RAB8A: variants seen among roughly 807,000 people sequenced by gnomAD.
RAB8A encodes ras-related protein Rab-8A.
A neutral mutation model predicts 29.2 loss-of-function variants in RAB8A; 5 were observed. That is an observed-to-expected ratio of 0.17 (90% CI 0.09 to 0.36). The LOEUF is 0.36. Ranked by LOEUF, RAB8A falls within the 10% of genes least tolerant of loss-of-function variation. RAB8A has a pLI of 1.00. For missense variants in RAB8A, 171 were observed against 272.2 expected, an observed-to-expected ratio of 0.63 and a Z score of 2.62; for synonymous variants, 108 against 99.9, an observed-to-expected ratio of 1.08 and a Z score of -0.49.
intron 7 of RAB8A, among the ~76,000 whole-genome samples, chr19:16,130,001 T>A (rs1400642588): frequency 6.6e-6 from 1 of 152,154 alleles, no homozygotes; most frequent in African/African-American, 2.4e-5. Flanking sequence ...TTGACAAGCA[T>A]GGCAGATCAA....
At chr19:16,129,209 ACTTGGCCTCT>A (rs2090914888) in intron 6 of RAB8A, among the ~76,000 whole-genome samples, 1 of 152,230 alleles carries the variant, frequency 6.6e-6, no homozygotes, top group Non-Finnish European at 1.5e-5. Context: ...TGGACAAGTC[ACTTGGCCTCT>A]CTGAGCCTCA....
Position 16,112,002 on chromosome 19 carries a change from A to C in RAB8A, c.101A>C (p.Asn34Thr). The C allele has an allele frequency of 6.2e-7, 1 of 1,613,612 alleles. No homozygotes were observed. Reference protein sequence around the residue: ...VLFRFSEDAFNSTFISTIGID... With the variant: ...VLFRFSEDAFTSTFISTIGID... ...TTCCGCTTCTCCGAGGACGCCTTCAACTCCACTTTTATCTCCACCATAGGT... is the reference window on the plus strand; with the variant it reads ...TTCCGCTTCTCCGAGGACGCCTTCACCTCCACTTTTATCTCCACCATAGGT... The change falls in exon 1 of 8, where the codon AAC (asparagine) becomes ACC (threonine). Residue 34 changes from asparagine (N) to threonine (T), a missense_variant. Transcript: ENST00000300935.
Position 16,128,192 on chromosome 19 carries a change from C to T in RAB8A, c.480+101C>T, listed in dbSNP as rs2090910281. ...CTCCGAGGAGGTCCTGCCAGACGGACCAGCCTCGGGCTCAGGGCTGCCAGT... is the reference window on the plus strand; with the variant it reads ...CTCCGAGGAGGTCCTGCCAGACGGATCAGCCTCGGGCTCAGGGCTGCCAGT... On this transcript the variant is annotated intron_variant, in intron 6 of 7. Transcript: ENST00000300935. The T allele has an allele frequency of 4.7e-6, 6 of 1,288,048 alleles. No homozygotes were observed. In the Admixed American group the frequency reaches 1.2e-4, roughly 25 times the overall value. The allele number at this position is 1,288,048 out of a possible 1,614,324, so 79.8% of individuals were successfully genotyped here.
intron 6 of RAB8A, 117 bp from the exon 7 acceptor site, chr19:16,129,435 CAA>C: frequency 1.0e-6 from 1 of 964,150 alleles, no homozygotes; most frequent in Non-Finnish European, 1.6e-6. Context: ...AGGCGGGCAT[CAA>C]AGGGCCAAAT....
intron 1 of RAB8A, among the ~76,000 whole-genome samples, chr19:16,115,168 T>G (rs896153007): frequency 6.6e-6 from 1 of 151,078 alleles, no homozygotes; most frequent in African/African-American, 2.5e-5. Flanking sequence ...CTTGCCTGTA[T>G]TCCCAGCTAC....
chr19:16,127,165 T>C lies in RAB8A; in HGVS notation c.325-272T>C, dbSNP rs1421264142. ...CAGCATCCCAGGTGCGGGGGCTTGATTGATACAGCCATAGAAGCTGCCAGA... is the reference window on the plus strand; with the variant it reads ...CAGCATCCCAGGTGCGGGGGCTTGACTGATACAGCCATAGAAGCTGCCAGA... On this transcript the variant is annotated intron_variant, in intron 4 of 7. Coordinates refer to ENST00000300935, the MANE Select transcript of RAB8A (RefSeq NM_005370.5). The surrounding 1 kb of genome is among the most constrained non-coding windows in gnomAD (Gnocchi z 4.8). 6.6e-6 allele frequency among the ~76,000 whole-genome samples: 1 copy of C among 152,192 alleles called. No individual in the cohort carries two copies. Among genetic ancestry groups the C allele is most frequent in the Non-Finnish European group, 1.5e-5 (1 of 68,032 alleles).
intron 7 of RAB8A, 91 bp downstream of exon 7, chr19:16,129,695 G>C: frequency 7.9e-7 from 1 of 1,263,288 alleles, no homozygotes; most frequent in Non-Finnish European, 1.2e-6. Context: ...CCTAGATCCT[G>C]CTTTTTAGGG....
At chr19:16,118,329 G>A (rs369293048) in intron 2 of RAB8A, 43 bp downstream of exon 2, 11 of 1,572,520 alleles carry the variant, frequency 7.0e-6, no homozygotes, top group Non-Finnish European at 9.6e-6. Flanking sequence ...CCTGGCAATG[G>A]CTTCAAGCCA....
intron 2 of RAB8A, among the ~76,000 whole-genome samples, chr19:16,118,802 G>C (rs1304853334): frequency 6.6e-6 from 1 of 152,196 alleles, no homozygotes; most frequent in East Asian, 1.9e-4. Context: ...GGAGGGCCGG[G>C]CCCCATGTTG....
At chr19:16,119,500 C>T (rs1458151184) in intron 2 of RAB8A, among the ~76,000 whole-genome samples, 2 of 151,926 alleles carry the variant, frequency 1.3e-5, no homozygotes, top group Non-Finnish European at 2.9e-5. Context: ...CCACCACGCC[C>T]GGCCCTACTG....
chr19:16,119,360 C>T (rs2090862480), intron 2 of RAB8A, among the ~76,000 whole-genome samples: 1 of 152,166 alleles, frequency 6.6e-6, no homozygotes, highest in South Asian at 2.1e-4. Flanking sequence ...CATGCACCAC[C>T]ACGCCCAACT....
chr19:16,121,936 G>T (rs1440278703), intron 3 of RAB8A, 126 bp downstream of exon 3: 11 of 886,338 alleles, frequency 1.2e-5, no homozygotes, highest in Non-Finnish European at 1.4e-5. Flanking sequence ...AGGGCTCCTT[G>T]GTCCCAAGTT....
chr19:16,121,740 T>G lies in RAB8A; in HGVS notation c.186-10T>G, dbSNP rs201931416. ...TTAATGTTGCTAATATCCCTTCTCTTCATGTTTAGGGACACAGCCGGTCAG... is the reference window on the plus strand; with the variant it reads ...TTAATGTTGCTAATATCCCTTCTCTGCATGTTTAGGGACACAGCCGGTCAG... On this transcript the variant is annotated splice_polypyrimidine_tract_variant and intron_variant, in intron 2 of 7. Transcript: ENST00000300935. 2.0e-5 allele frequency: 33 copies of G among 1,612,888 alleles called. No individual in the cohort carries two copies. Among genetic ancestry groups the G allele is most frequent in the Non-Finnish European group, 2.6e-5 (31 of 1,178,952 alleles).
rs2090898947 is a variant in RAB8A at position 16,125,915 on chromosome 19, AGGCG to A, written c.324+369_324+372del. The A allele has an allele frequency of 2.6e-6, 1 of 383,816 alleles. No individual in the cohort carries two copies. Among genetic ancestry groups the A allele is most frequent in the African/African-American group, 2.1e-5 (1 of 48,122 alleles). 23.8% of individuals were successfully genotyped at this position (383,816 alleles called of 1,614,324 possible). A position where few individuals can be genotyped will look rare whatever the true frequency, so the allele number is the denominator to read the frequency against. On this transcript the variant is annotated intron_variant, in intron 4 of 7. Transcript: ENST00000300935. This position sits in a 1 kb window ranked among gnomAD's most constrained non-coding sequence, Gnocchi z 5.0. ...CTTGTAGTTGGAGGGTGTGGTGAGC[AGGCG>A]TCAGTTGTACTTTGAGCTATATCGG...
chr19:16,112,788 C>T (rs2090830258), intron 1 of RAB8A: 1 of 152,270 alleles, frequency 6.6e-6, no homozygotes, highest in Admixed American at 6.5e-5. Flanking sequence ...GACCATGCTT[C>T]CCCTCATAAG....
At chr19:16,119,787 G>GA (rs950472035) in intron 2 of RAB8A, among the ~76,000 whole-genome samples, 177 of 147,554 alleles carry the variant, frequency 1.2e-3, no homozygotes, top group Non-Finnish European at 2.1e-3. Flanking sequence ...GACTGTAGTT[G>GA]AAAAAAAAAT....
chr19:16,123,154 C>T (rs965113621), intron 3 of RAB8A, among the ~76,000 whole-genome samples: 22 of 152,216 alleles, frequency 1.4e-4, no homozygotes, highest in African/African-American at 5.3e-4. Context: ...GAAGTTCACT[C>T]AGCAGGTAAA....
intron 6 of RAB8A, 125 bp from the exon 7 acceptor site, chr19:16,129,429 G>A (rs1457288311): frequency 6.4e-5 from 54 of 846,176 alleles, no homozygotes; most frequent in Non-Finnish European, 8.6e-5. Context: ...TGCCAGAGGC[G>A]GGCATCAAAG....
In RAB8A at chr19:16,132,585, T is replaced by G; in HGVS notation, c.*281T>G. The G allele has an allele frequency of 2.3e-6, 1 of 425,924 alleles. No homozygotes were observed. Among genetic ancestry groups the G allele is most frequent in the Non-Finnish European group, 4.3e-6 (1 of 230,854 alleles). The allele number at this position is 425,924 out of a possible 1,614,324, so 26.4% of individuals were successfully genotyped here. On this transcript the variant is annotated 3_prime_UTR_variant, in exon 8 of 8. Transcript: ENST00000300935. This position sits in a 1 kb window ranked among gnomAD's most constrained non-coding sequence, Gnocchi z 5.6. ...TGTATATTCAGAGAGAGAGAGGGAG[T>G]CAAGGTGTGACCGTCGACCACAGCC... is the stretch of plus-strand genomic sequence containing the variant.
Sources: gnomAD v4.1 joint callset for allele counts (sites outside exome capture counted in the v4.1 genomes callset) on GRCh38, gnomAD v4.1.1 for gene constraint, Gnocchi (gnomAD v3.1) non-coding constraint, MANE v1.5 for transcripts, NCBI Gene and HGNC (gene_info 2026-07-23, HGNC 2026-07-21) for gene names.